Variants in CRY1 observed in about 807,000 individuals in gnomAD.
CRY1 encodes cryptochrome circadian regulator 1.
Under a neutral mutation model 76.0 loss-of-function variants are expected in CRY1, and 45 were observed. The observed-to-expected ratio is 0.59, with a 90% confidence interval of 0.47 to 0.76. The LOEUF is 0.76. Among genes scored for constraint, CRY1 ranks in the 30% least tolerant of loss-of-function variants. The pLI is 0.00. For synonymous variants in CRY1, 248 were observed against 244.0 expected (o/e 1.02, Z -0.15); for missense variants, 587 against 716.4 (o/e 0.82, Z 2.06).
At chr12:107,070,218 G>A (rs1353168804) in intron 1 of CRY1, among the ~76,000 whole-genome samples, 1 of 152,138 alleles carries the variant, frequency 6.6e-6, no homozygotes, top group East Asian at 1.9e-4. Flanking sequence ...GAAACTAGAA[G>A]TAAACAGGTA....
chr12:107,014,441 C>G (rs1952476725), intron 2 of CRY1, among the ~76,000 whole-genome samples: 1 of 152,194 alleles, frequency 6.6e-6, no homozygotes, highest in Non-Finnish European at 1.5e-5. Context: ...AAAGCTTCTT[C>G]TCTCCTGCTG....
At chr12:107,069,034 TA>T (rs746515146) in intron 1 of CRY1, among the ~76,000 whole-genome samples, 22 of 152,198 alleles carry the variant, frequency 1.4e-4, no homozygotes, top group Non-Finnish European at 2.9e-4. Flanking sequence ...CATTCATGTA[TA>T]AGTTTTTGTT....
chr12:107,000,469 C>A (rs948538448), intron 5 of CRY1, among the ~76,000 whole-genome samples: 9 of 151,822 alleles, frequency 5.9e-5, no homozygotes, highest in Non-Finnish European at 1.2e-4. Context: ...CTTGCCTCAG[C>A]CTCCTGAGTA....
chr12:107,090,692 T>C (rs1432684996), intron 1 of CRY1, among the ~76,000 whole-genome samples: 2 of 152,208 alleles, frequency 1.3e-5, no homozygotes, highest in Non-Finnish European at 2.9e-5. Context: ...GACAAATATT[T>C]GTTCAATAAA....
rs1259842473 is a variant in CRY1 at position 107,005,191 on chromosome 12, G to A, written c.325C>T (p.Arg109Ter). 2.5e-6 allele frequency: 4 copies of A among 1,613,146 alleles called. No individual in the cohort carries two copies. The highest frequency in any genetic ancestry group is 2.7e-5 in the African/African-American group (2 of 74,780). ...EYDSEPFGKE[R>*]DAAIKKLATE... ...GCCAGTTTCTTAATAGCTGCGTCTC[G>A]TTCCTTTCCAAAGGGCTCAGAATCA... is the stretch of plus-strand genomic sequence containing the variant. The change falls in exon 3 of 13, where the codon CGA (arginine) becomes TGA (stop). Residue 109 changes from arginine to a stop codon, truncating the protein, a stop_gained. Transcript: ENST00000008527. LOFTEE classifies it high-confidence loss of function.
At chr12:107,045,526 C>T (rs1395313522) in intron 1 of CRY1, among the ~76,000 whole-genome samples, 1 of 152,210 alleles carries the variant, frequency 6.6e-6, no homozygotes, top group Non-Finnish European at 1.5e-5. Flanking sequence ...GTTTTGGCTT[C>T]TGTTGCCATT....
At chr12:107,021,155 C>T (rs1952552854) in intron 2 of CRY1, among the ~76,000 whole-genome samples, 1 of 151,972 alleles carries the variant, frequency 6.6e-6, no homozygotes, top group East Asian at 1.9e-4. Context: ...TGGTGGCGTG[C>T]GCCAGTAATC....
At chr12:107,061,168 T>C (rs905102566) in intron 1 of CRY1, among the ~76,000 whole-genome samples, 1 of 152,066 alleles carries the variant, frequency 6.6e-6, no homozygotes, top group African/African-American at 2.4e-5. Flanking sequence ...ATAGAAAATA[T>C]ATTAAAATGT....
intron 2 of CRY1, among the ~76,000 whole-genome samples, chr12:107,021,052 G>C (rs1452543513): frequency 1.5e-4 from 23 of 152,170 alleles, no homozygotes; most frequent in Non-Finnish European, 1.0e-4. Context: ...GGGAGGTCGA[G>C]GCCGGTGGAT....
intron 7 of CRY1, among the ~76,000 whole-genome samples, chr12:106,998,659 A>AACACACACACACACACACACACAC (rs10522970): frequency 1.4e-5 from 2 of 143,352 alleles, no homozygotes; most frequent in Non-Finnish European, 3.0e-5. Context: ...TAAGAGATTA[A>AACACACACACACACACACACACAC]ACACACACAC....
chr12:107,086,649 A>T (rs1953405565), intron 1 of CRY1, among the ~76,000 whole-genome samples: 1 of 152,244 alleles, frequency 6.6e-6, no homozygotes, highest in Non-Finnish European at 1.5e-5. Flanking sequence ...AGTGGGTGCA[A>T]ACCATAGGCC....
intron 1 of CRY1, among the ~76,000 whole-genome samples, chr12:107,092,276 T>C (rs144645993): frequency 2.0e-5 from 3 of 151,986 alleles, no homozygotes; most frequent in South Asian, 2.1e-4. Context: ...CAAGGAGGAG[T>C]TGAGAAAAAG....
rs190048543 is a variant in CRY1, at chr12:107,026,877, A to G, written c.159-4685T>C. 6.6e-4 allele frequency among the ~76,000 whole-genome samples: 101 copies of G among 151,902 alleles called. No individual in the cohort carries two copies. In the Middle Eastern group the frequency reaches 0.014, roughly 20 times the overall value. On this transcript the variant is annotated intron_variant, in intron 1 of 12. Coordinates refer to ENST00000008527, the MANE Select transcript of CRY1 (RefSeq NM_004075.5). ...ATTAGTTGGATGCCTACACCTGTAT[A>G]CAGAATTACTTTGAATTCACAACTT... is the stretch of plus-strand genomic sequence containing the variant.
chr12:107,013,222 C>T (rs547918084), intron 2 of CRY1, among the ~76,000 whole-genome samples: 18 of 152,302 alleles, frequency 1.2e-4, no homozygotes, highest in African/African-American at 3.8e-4. Context: ...AACTTCATTA[C>T]TGTCTTAAGA....
At chr12:106,997,217 A>G in intron 10 of CRY1, 77 bp downstream of exon 10, 1 of 1,245,444 alleles carries the variant, frequency 8.0e-7, no homozygotes, top group Non-Finnish European at 1.2e-6. Flanking sequence ...AAAATATGTT[A>G]GTGAGGATCA....
At chr12:107,027,971 G>A (rs576097672) in intron 1 of CRY1, among the ~76,000 whole-genome samples, 2 of 152,246 alleles carry the variant, frequency 1.3e-5, no homozygotes, top group African/African-American at 4.8e-5. Context: ...ATGCTAGTTT[G>A]TAAAATATAT....
At chr12:107,022,048 G>A in intron 2 of CRY1, 36 bp downstream of exon 2, 1 of 1,433,580 alleles carries the variant, frequency 7.0e-7, no homozygotes, top group Non-Finnish European at 9.7e-7. Flanking sequence ...TATTATCTGA[G>A]AAAAGATTGT....
intron 1 of CRY1, among the ~76,000 whole-genome samples, chr12:107,077,763 A>C (rs1031498801): frequency 1.3e-5 from 2 of 152,090 alleles, no homozygotes; most frequent in Non-Finnish European, 2.9e-5. Flanking sequence ...GCCTTGAGCT[A>C]ATTTCTTACC....
intron 5 of CRY1, 59 bp from the exon 6 acceptor site, chr12:107,000,141 C>T: frequency 1.3e-6 from 2 of 1,494,034 alleles, no homozygotes; most frequent in Admixed American, 4.7e-5. Context: ...TAAAAGAACA[C>T]TCAGAATGGA....
Sources: gnomAD v4.1 joint callset for allele counts (sites outside exome capture counted in the v4.1 genomes callset) on GRCh38, gnomAD v4.1.1 for gene constraint, MANE v1.5 for transcripts, NCBI Gene and HGNC (gene_info 2026-07-23, HGNC 2026-07-21) for gene names.